The following SLC38A5 variants were observed in gnomAD, a reference collection of about 807,000 sequenced individuals.
SLC38A5 encodes the protein solute carrier family 38 member 5, also known as sodium-coupled neutral amino acid transporter 5.
In SLC38A5, 9 loss-of-function variants were observed where a neutral mutation model predicts 34.6. The ratio of observed to expected loss-of-function variants is 0.26; its 90% CI spans 0.16 to 0.45. The LOEUF (loss-of-function observed/expected upper bound fraction) is 0.45, where lower values mean the gene tolerates loss of function less well. SLC38A5 is among the 20% of genes least tolerant of loss of function. The pLI is 1.00. For synonymous variants in SLC38A5, 157 were observed against 155.6 expected (o/e 1.01, Z -0.07); for missense variants, 253 against 394.7 (o/e 0.64, Z 3.04).
chrX:48,461,939 G>A, intron 11 of SLC38A5, 68 bp downstream of exon 11: 1 of 1,136,490 alleles, frequency 8.8e-7, no homozygotes, highest in African/African-American at 1.8e-5. Flanking sequence ...ACTCTGAGCA[G>A]GATGCACCAT....
At chrX:48,462,343 A>C in intron 9 of SLC38A5, 52 bp from the exon 10 acceptor site, 351 of 1,142,877 alleles carry the variant, frequency 3.1e-4, no homozygotes, top group Non-Finnish European at 3.8e-4. Flanking sequence ...GTGGTGGCTC[A>C]CACCTATAAT....
At chrX:48,466,453 G>A in intron 6 of SLC38A5, 131 bp from the exon 7 acceptor site, 7 of 639,810 alleles carry the variant, frequency 1.1e-5, no homozygotes, top group Non-Finnish European at 1.7e-5. Flanking sequence ...TGAAGGTGGG[G>A]GTTAAGCAGT....
rs1284848095 is a variant in SLC38A5 at position 48,461,720 on chromosome X, G to A, written c.849C>T (p.Cys283=). The change falls in exon 12 of 17, where the codon TGC becomes TGT. Residue 283 remains cysteine, a splice_region_variant and synonymous_variant. Transcript: ENST00000620913. ...PEVLPIYTEL[C]RPSKRRMQAV... ...GGCCCACTTGCCTGCCCACTCACCGGCAGAGCTCCGTATAGATGGGCAGCA... is the reference window on the plus strand; with the variant it reads ...GGCCCACTTGCCTGCCCACTCACCGACAGAGCTCCGTATAGATGGGCAGCA... The A allele has an allele frequency of 1.7e-6, 2 of 1,204,264 alleles. No homozygotes were observed. The highest frequency in any genetic ancestry group is 3.0e-5 in the East Asian group (1 of 33,635).
chrX:48,460,923 A>C (rs991560665), intron 13 of SLC38A5, 63 bp downstream of exon 13: 1 of 1,052,513 alleles, frequency 9.5e-7, no homozygotes, highest in South Asian at 2.0e-5. Flanking sequence ...AGAAGGAAAG[A>C]GCTCAGAGGC....
Position 48,458,878 on chromosome X carries a change from C to T in SLC38A5, c.*55G>A, listed in dbSNP as rs1449427727. The T allele has an allele frequency of 7.1e-6, 8 of 1,134,098 alleles. No homozygotes were observed. The highest frequency in any genetic ancestry group is 6.6e-5 in the East Asian group (2 of 30,147). 93.5% of individuals were successfully genotyped at this position (1,134,098 alleles called of 1,213,427 possible). A position where few individuals can be genotyped will look rare whatever the true frequency, so the allele number is the denominator to read the frequency against. The stretch of plus-strand genomic sequence containing the variant: ...GTTGGGCAGGAGGGACCCTAGGGAG[C>T]GGCCCTGACCCCTCCATGTGCATGC... On this transcript the variant is annotated 3_prime_UTR_variant, in exon 17 of 17. Coordinates refer to ENST00000620913, the MANE Select transcript of SLC38A5 (RefSeq NM_033518.4).
rs782626605 is a variant in SLC38A5 at position 48,459,898 on chromosome X, AC to A, written c.1069-23del. 2.5e-6 allele frequency: 3 copies of A among 1,196,219 alleles called. No individual in the cohort carries two copies. The South Asian group carries it at 5.5e-5, about 22-fold the overall frequency. Reference sequence around the variant, plus strand: ...GGATCTGTGGCCAGAGTAGGGTGGGACAGAAGTCAGGACCCAAGTGCTGCCC... The same window carrying A: ...GGATCTGTGGCCAGAGTAGGGTGGGAAGAAGTCAGGACCCAAGTGCTGCCC... On this transcript the variant is annotated intron_variant, in intron 14 of 16. Transcript: ENST00000620913.
In SLC38A5 at chrX:48,458,812, CCT is replaced by C; in HGVS notation, c.*119_*120del. ...AGTCTGCAGCCTCTGCTGTCCCCCG[CCT>C]CTGACAACCACGTTCATGGGAACCA... On this transcript the variant is annotated 3_prime_UTR_variant, in exon 17 of 17. Transcript: ENST00000620913. 1.8e-6 allele frequency: 2 copies of C among 1,093,658 alleles called. No homozygotes were observed. The highest frequency in any genetic ancestry group is 2.4e-6 in the Non-Finnish European group (2 of 836,616). 90.1% of individuals were successfully genotyped at this position (1,093,658 alleles called of 1,213,427 possible).
Position 48,466,037 on chromosome X carries a change from A to G in SLC38A5, c.469T>C (p.Phe157Leu). The change falls in exon 8 of 17, where the codon TTC becomes CTC. Residue 157 changes from phenylalanine (F) to leucine (L), a missense_variant. Physicochemically the swap from Phe to Leu is conservative, Grantham distance 22. This residue lies in a region of SLC38A5 where 176 missense variants were observed against 273.0 expected (regional missense o/e 0.64). Coordinates refer to ENST00000620913, the MANE Select transcript of SLC38A5 (RefSeq NM_033518.4). ...CACCCCTCGGGGTCCATGTACAGGA[A>G]GGTGCCGATAACCAGGGGGAGCTCA... ...KSELPLVIGT[F>L]LYMDPEGDWF... 1.7e-6 allele frequency: 2 copies of G among 1,201,961 alleles called. No individual in the cohort carries two copies. Among genetic ancestry groups the G allele is most frequent in the East Asian group, 5.9e-5 (2 of 33,715 alleles).
chrX:48,468,039 G>T lies in SLC38A5; in HGVS notation c.-1-114C>A, dbSNP rs1477838776. The T allele has an allele frequency of 9.5e-6, 8 of 842,736 alleles. No homozygotes were observed. The East Asian group carries it at 2.1e-4, about 22-fold the overall frequency. The allele number at this position is 842,736 out of a possible 1,213,427, so 69.5% of individuals were successfully genotyped here. A position where few individuals can be genotyped will look rare whatever the true frequency, so the allele number is the denominator to read the frequency against. ...CCATAGAGACCGATGGAAAGACGGA[G>T]AAAGAGACAAGGCAGGGGAGCAGGA... On this transcript the variant is annotated intron_variant, in intron 2 of 16. Transcript: ENST00000620913.
At chrX:48,460,532 C>A in intron 14 of SLC38A5, 117 bp downstream of exon 14, 1 of 706,545 alleles carries the variant, frequency 1.4e-6, no homozygotes, top group South Asian at 2.6e-5. Flanking sequence ...TCCTGTCTGT[C>A]CATCCTTGCC....
chrX:48,467,644 G>A, intron 4 of SLC38A5, 66 bp downstream of exon 4: 2 of 1,063,543 alleles, frequency 1.9e-6, no homozygotes, highest in Non-Finnish European at 2.6e-6. Flanking sequence ...TGGGGAAGAG[G>A]GAGCAGTGCG....
intron 8 of SLC38A5, among the ~76,000 whole-genome samples, chrX:48,464,876 G>A (rs1569470231): frequency 9.1e-6 from 1 of 110,085 alleles, no homozygotes; most frequent in African/African-American, 3.3e-5. Context: ...AGAGGTTACA[G>A]TGAGCTGAGA....
In SLC38A5 at chrX:48,467,751, G is replaced by A. The variant is rs146859912; in HGVS notation, c.88C>T (p.Arg30Cys). Reference sequence around the variant, plus strand: ...GGCTTGCTCCCAGGAGCAGGACCACGACTGGGCAGGAAGCCCTCACGTTCT... The same window carrying A: ...GGCTTGCTCCCAGGAGCAGGACCACAACTGGGCAGGAAGCCCTCACGTTCT... ...RQEREGFLPS[R>C]GPAPGSKPVQ... The change falls in exon 4 of 17, where the codon CGT (arginine) becomes TGT (cysteine). Residue 30 changes from arginine (R) to cysteine (C), a missense_variant. Arg to Cys is a radical substitution (Grantham distance 180). This residue lies in a region of SLC38A5 where 40 missense variants were observed against 36.4 expected (regional missense o/e 1.10). Transcript: ENST00000620913. 1.7e-6 allele frequency: 2 copies of A among 1,208,316 alleles called. No individual in the cohort carries two copies. Among genetic ancestry groups the A allele is most frequent in the East Asian group, 3.0e-5 (1 of 33,716 alleles).
intron 8 of SLC38A5, among the ~76,000 whole-genome samples, chrX:48,463,877 A>AAGAT: frequency 9.8e-6 from 1 of 102,507 alleles, no homozygotes; most frequent in South Asian, 4.2e-4. Context: ...GAAAGAAAGA[A>AAGAT]AGAAAGAAAG....
intron 14 of SLC38A5, among the ~76,000 whole-genome samples, chrX:48,460,116 C>A (rs1481993688): frequency 3.6e-5 from 4 of 111,404 alleles, no homozygotes; most frequent in African/African-American, 1.3e-4. Flanking sequence ...TCGGCACCTG[C>A]ACCCACTGTC....
chrX:48,466,752 G>T, intron 6 of SLC38A5, 47 bp downstream of exon 6: 1 of 1,141,543 alleles, frequency 8.8e-7, no homozygotes, highest in Non-Finnish European at 1.2e-6. Context: ...AGAGTCTGGG[G>T]TCCAAAGGGG....
intron 4 of SLC38A5, chrX:48,467,399 G>C: frequency 2.4e-6 from 1 of 422,191 alleles, no homozygotes; most frequent in Non-Finnish European, 4.1e-6. Flanking sequence ...GATAGGCTGA[G>C]GATGGGGAGT....
intron 6 of SLC38A5, 41 bp from the exon 7 acceptor site, chrX:48,466,363 G>T: frequency 3.5e-6 from 4 of 1,156,542 alleles, no homozygotes; most frequent in Non-Finnish European, 4.6e-6. Flanking sequence ...GGTCCAGGAG[G>T]CCAGGCCAGA....
intron 12 of SLC38A5, 76 bp downstream of exon 12, chrX:48,461,642 G>A: frequency 1.0e-6 from 1 of 1,003,080 alleles, no homozygotes; most frequent in Non-Finnish European, 1.4e-6. Flanking sequence ...CAGGACTGCT[G>A]TAGGGAGTGT....
Sources: allele counts gnomAD v4.1 joint callset (sites outside exome capture counted in the v4.1 genomes callset), GRCh38; gene constraint gnomAD v4.1.1; regional missense constraint gnomAD v4.1.1; transcripts MANE v1.5; gene names NCBI Gene and HGNC (gene_info 2026-07-23, HGNC 2026-07-21).